The following VMP1 variants were observed in gnomAD, a reference collection of about 807,000 sequenced individuals.
VMP1 encodes vacuole membrane protein 1, also known as ectopic P-granules autophagy protein 3 homolog.
Under a neutral mutation model 56.0 loss-of-function variants are expected in VMP1, and 11 were observed. That is an observed-to-expected ratio of 0.20 (90% CI 0.12 to 0.32). The LOEUF is 0.32. Ranked by LOEUF, VMP1 falls within the 10% of genes least tolerant of loss-of-function variation. VMP1 has a pLI of 1.00. For missense variants in VMP1, 296 were observed against 490.3 expected, an observed-to-expected ratio of 0.60 and a Z score of 3.74; for synonymous variants, 149 against 165.0, an observed-to-expected ratio of 0.90 and a Z score of 0.74.
At chr17:59,839,698 G>A (rs936170478) in intron 11 of VMP1, 70 bp from the exon 12 acceptor site, 22 of 1,529,100 alleles carry the variant, frequency 1.4e-5, no homozygotes, top group Non-Finnish European at 1.8e-5. Context: ...AAGCATTATA[G>A]ATGATCCTCT....
chr17:59,708,720 G>C (rs1396971701), intron 1 of VMP1, among the ~76,000 whole-genome samples: 1 of 152,170 alleles, frequency 6.6e-6, no homozygotes, highest in Non-Finnish European at 1.5e-5. Context: ...CTACTACCTA[G>C]TAATTGTATT....
intron 6 of VMP1, among the ~76,000 whole-genome samples, 190 bp downstream of exon 6, chr17:59,765,328 G>T (rs1286535190): frequency 6.6e-6 from 1 of 152,160 alleles, no homozygotes; most frequent in African/African-American, 2.4e-5. Context: ...GAGAAGAAAG[G>T]CATGAACCAT....
intron 10 of VMP1, among the ~76,000 whole-genome samples, chr17:59,835,345 T>G (rs1376437898): frequency 2.6e-5 from 4 of 152,144 alleles, no homozygotes; most frequent in Non-Finnish European, 4.4e-5. Flanking sequence ...GCCAGGCTGG[T>G]CTCGAACTCC....
At chr17:59,726,695 A>G (rs1258288258) in intron 1 of VMP1, among the ~76,000 whole-genome samples, 2 of 152,230 alleles carry the variant, frequency 1.3e-5, no homozygotes, top group Non-Finnish European at 2.9e-5. Context: ...TTCCATTTCA[A>G]ACATCCTCAG....
At chr17:59,774,938 A>C (rs889649748) in intron 7 of VMP1, among the ~76,000 whole-genome samples, 1 of 137,200 alleles carries the variant, frequency 7.3e-6, no homozygotes, top group African/African-American at 2.7e-5. Flanking sequence ...CTCTACAAAA[A>C]AAATTTTTTT....
At chr17:59,811,439 C>A (rs1022592591) in intron 8 of VMP1, among the ~76,000 whole-genome samples, 2 of 152,140 alleles carry the variant, frequency 1.3e-5, no homozygotes, top group South Asian at 4.1e-4. Flanking sequence ...AAAAGGACAC[C>A]TTGGTTTGCT....
rs147790600 is a variant in VMP1 at position 59,758,189 on chromosome 17, A to G, written c.415-6782A>G. Among the ~76,000 whole-genome samples, 17 of 152,156 alleles carry G rather than the reference A, an allele frequency of 1.1e-4. No individual in the cohort carries two copies. In the East Asian group the frequency reaches 3.3e-3, roughly 29 times the overall value. On this transcript the variant is annotated intron_variant, in intron 5 of 11. Transcript: ENST00000262291. ...TCCCTGTATTGATCTTTACCTTGCC[A>G]CATGTCACATCCTTTTAAATGTGTT... is the stretch of plus-strand genomic sequence containing the variant.
chr17:59,785,689 C>CAA (rs375607560), intron 7 of VMP1, among the ~76,000 whole-genome samples: 12 of 59,136 alleles, frequency 2.0e-4, no homozygotes, highest in African/African-American at 3.3e-4. Flanking sequence ...GATTCCATCT[C>CAA]AAAAAAAAAA....
chr17:59,766,372 C>T (rs945788351), intron 6 of VMP1, among the ~76,000 whole-genome samples: 1 of 152,038 alleles, frequency 6.6e-6, no homozygotes, highest in East Asian at 1.9e-4. Flanking sequence ...GGCGTGGTGG[C>T]GCATACCTGT....
intron 7 of VMP1, among the ~76,000 whole-genome samples, chr17:59,781,131 A>C (rs1443527077): frequency 6.6e-6 from 1 of 152,276 alleles, no homozygotes; most frequent in East Asian, 1.9e-4. Context: ...TATCTGAGAG[A>C]GTACTAATGT....
intron 2 of VMP1, among the ~76,000 whole-genome samples, chr17:59,732,782 G>T (rs112137349): frequency 7.9e-5 from 12 of 152,184 alleles, no homozygotes; most frequent in Admixed American, 7.9e-4. Context: ...CACCCCATTG[G>T]AATTTAAAAT....
At chr17:59,720,936 G>A (rs1393880315) in intron 1 of VMP1, among the ~76,000 whole-genome samples, 1 of 151,932 alleles carries the variant, frequency 6.6e-6, no homozygotes, top group Non-Finnish European at 1.5e-5. Context: ...TTGTGCCATT[G>A]CACTCAAGCC....
intron 7 of VMP1, among the ~76,000 whole-genome samples, chr17:59,777,861 C>A (rs1198521512): frequency 6.8e-6 from 1 of 146,128 alleles, no homozygotes; most frequent in Non-Finnish European, 1.5e-5. Flanking sequence ...AACAAAAAAA[C>A]AAATAAAGTG....
At chr17:59,710,305 T>C (rs2033867068) in intron 1 of VMP1, among the ~76,000 whole-genome samples, 1 of 152,198 alleles carries the variant, frequency 6.6e-6, no homozygotes, top group South Asian at 2.1e-4. Flanking sequence ...AAATTAAGGC[T>C]CAGAAACAAT....
intron 5 of VMP1, among the ~76,000 whole-genome samples, chr17:59,758,803 A>G (rs2035940752): frequency 6.6e-6 from 1 of 152,048 alleles, no homozygotes; most frequent in Non-Finnish European, 1.5e-5. Context: ...TAATGAAAAA[A>G]AATTAGCTGG....
chr17:59,818,459 A>T (rs1004153072), intron 10 of VMP1, among the ~76,000 whole-genome samples: 16 of 152,180 alleles, frequency 1.1e-4, no homozygotes, highest in African/African-American at 2.9e-4. Flanking sequence ...TTCACTAGAG[A>T]AAAATTAGGT....
At chr17:59,802,002 A>G (rs1370248276) in intron 7 of VMP1, among the ~76,000 whole-genome samples, 1 of 152,090 alleles carries the variant, frequency 6.6e-6, no homozygotes. Context: ...GGAGTTCGAG[A>G]CCAGTCTGGC....
intron 9 of VMP1, among the ~76,000 whole-genome samples, chr17:59,816,498 T>C (rs1385271047): frequency 1.3e-5 from 2 of 152,112 alleles, no homozygotes; most frequent in East Asian, 3.8e-4. Flanking sequence ...AGATTCATAG[T>C]GAGTGGATAA....
In VMP1 at chr17:59,777,550, G is replaced by A. The variant is rs577043874; in HGVS notation, c.714+3665G>A. 2.0e-4 allele frequency among the ~76,000 whole-genome samples: 31 copies of A among 151,704 alleles called. No homozygotes were observed. The South Asian group carries it at 5.0e-3, about 24-fold the overall frequency. ...TTCTGAGCTTGGCACAGTGGCTCAC[G>A]CCTGTAATCCCAGCACTTTGGGAGG... On this transcript the variant is annotated intron_variant, in intron 7 of 11. Coordinates refer to ENST00000262291, the MANE Select transcript of VMP1 (RefSeq NM_030938.5).
Sources: allele counts gnomAD v4.1 joint callset (sites outside exome capture counted in the v4.1 genomes callset), GRCh38; gene constraint gnomAD v4.1.1; transcripts MANE v1.5; gene names NCBI Gene and HGNC (gene_info 2026-07-23, HGNC 2026-07-21).